UBXN7: variants seen among roughly 807,000 people sequenced by gnomAD.
UBXN7 encodes UBX domain protein 7, also known as UBX domain-containing protein 7.
In UBXN7, 9 loss-of-function variants were observed where a neutral mutation model predicts 58.0. The ratio of observed to expected loss-of-function variants is 0.16; its 90% CI spans 0.09 to 0.27. The LOEUF is 0.27. Among genes scored for constraint, UBXN7 ranks in the 10% least tolerant of loss-of-function variants. UBXN7 has a pLI of 1.00. For synonymous variants in UBXN7, 208 were observed against 205.0 expected, an observed-to-expected ratio of 1.01 and a Z score of -0.12; for missense variants, 328 against 599.6, an observed-to-expected ratio of 0.55 and a Z score of 4.73.
At chr3:196,428,451 TA>T (rs58227025) in intron 1 of UBXN7, among the ~76,000 whole-genome samples, 127,631 of 146,136 alleles carry the variant, frequency 0.87, 55,897 homozygotes, top group East Asian at 0.98. Context: ...AGACCGTCTT[TA>T]AAAAAAAAAA....
intron 9 of UBXN7, 32 bp from the exon 10 acceptor site, chr3:196,361,955 CG>C: frequency 1.8e-6 from 2 of 1,134,636 alleles, no homozygotes; most frequent in Non-Finnish European, 2.6e-6. Flanking sequence ...AAAAAAAAAA[CG>C]GGATACAGGA....
intron 3 of UBXN7, among the ~76,000 whole-genome samples, chr3:196,399,700 C>T (rs1047263293): frequency 1.3e-5 from 2 of 152,146 alleles, no homozygotes; most frequent in Non-Finnish European, 2.9e-5. Context: ...TGTGGCCTCC[C>T]AAAGGACTGG....
At chr3:196,389,410 T>C (rs947124614) in intron 5 of UBXN7, among the ~76,000 whole-genome samples, 4 of 152,232 alleles carry the variant, frequency 2.6e-5, no homozygotes, top group African/African-American at 9.6e-5. Flanking sequence ...GGGTTTTCTG[T>C]TACATGCAGC....
At chr3:196,410,042 C>T (rs1049457129) in intron 1 of UBXN7, among the ~76,000 whole-genome samples, 3 of 151,082 alleles carry the variant, frequency 2.0e-5, no homozygotes, top group Admixed American at 6.6e-5. Context: ...AGGGTTCAAG[C>T]GATTCTCCTG....
intron 1 of UBXN7, among the ~76,000 whole-genome samples, chr3:196,426,385 CAAAA>C (rs58979892): frequency 2.6e-5 from 3 of 114,188 alleles, no homozygotes; most frequent in Admixed American, 9.1e-5. Context: ...GACTTCGTCT[CAAAA>C]AAAAAAAAAA....
chr3:196,375,114 A>G (rs1728974434), intron 5 of UBXN7, among the ~76,000 whole-genome samples: 1 of 151,244 alleles, frequency 6.6e-6, no homozygotes, highest in African/African-American at 2.4e-5. Flanking sequence ...GTACAACATG[A>G]GGACTATACT....
chr3:196,430,161 C>A (rs1730981293), intron 1 of UBXN7, among the ~76,000 whole-genome samples: 1 of 151,906 alleles, frequency 6.6e-6, no homozygotes, highest in Admixed American at 6.6e-5. Flanking sequence ...TCAAGACCAG[C>A]CAGGCCAACA....
intron 1 of UBXN7, among the ~76,000 whole-genome samples, chr3:196,429,671 G>A (rs1306673396): frequency 6.6e-6 from 1 of 152,200 alleles, no homozygotes; most frequent in East Asian, 1.9e-4. Context: ...CGTATGTGGA[G>A]AGAACCCCAA....
intron 4 of UBXN7, 52 bp downstream of exon 4, chr3:196,393,502 T>C: frequency 6.5e-7 from 1 of 1,542,940 alleles, no homozygotes; most frequent in Non-Finnish European, 8.8e-7. Context: ...CATCTTTGTC[T>C]TTTTAATAGG....
chr3:196,401,823 GAGAGAAGAGAAGAGAAGAGA>G (rs56069211), intron 3 of UBXN7, among the ~76,000 whole-genome samples: 1 of 120,312 alleles, frequency 8.3e-6, no homozygotes, highest in Non-Finnish European at 1.7e-5. Context: ...GAAAAGAGAA[GAGAGAAGAGAAGAGAAGAGA>G]AGAGAAGAGA....
rs752105684 is a variant in UBXN7, at chr3:196,432,422, A to C, written c.-23T>G. On this transcript the variant is annotated 5_prime_UTR_variant, in exon 1 of 11. Transcript: ENST00000296328. ...CATCTTACCGCCGCCGCCGCCGCCG[A>C]ACAACAACACAGACACACACGGACT... is the stretch of plus-strand genomic sequence containing the variant. The C allele has an allele frequency of 8.9e-6, 14 of 1,577,650 alleles. No homozygotes were observed. Among genetic ancestry groups the C allele is most frequent in the African/African-American group, 1.3e-5 (1 of 74,300 alleles).
rs930932598 is a variant in UBXN7 at position 196,352,719 on chromosome 3, C to T, written c.*3966G>A. 2 of 151,768 alleles carry T rather than the reference C, an allele frequency of 1.3e-5. No individual in the cohort carries two copies. Among genetic ancestry groups the T allele is most frequent in the East Asian group, 1.9e-4 (1 of 5,134 alleles). The allele number at this position is 151,768 out of a possible 1,614,324, so 9.4% of individuals were successfully genotyped here. A position where few individuals can be genotyped will look rare whatever the true frequency, so the allele number is the denominator to read the frequency against. ...ACAGAAAACAGAATTGTAGATCGGGCGCAGTGGCTCATGCCTGTAATCCCA... is the reference window on the plus strand; with the variant it reads ...ACAGAAAACAGAATTGTAGATCGGGTGCAGTGGCTCATGCCTGTAATCCCA... On this transcript the variant is annotated 3_prime_UTR_variant, in exon 11 of 11. Transcript: ENST00000296328. The surrounding 1 kb of genome is among the most constrained non-coding windows in gnomAD (Gnocchi z 4.1).
intron 5 of UBXN7, among the ~76,000 whole-genome samples, chr3:196,389,284 T>C (rs572106658): frequency 6.6e-6 from 1 of 152,276 alleles, no homozygotes; most frequent in East Asian, 1.9e-4. Flanking sequence ...TGAAGAAAAC[T>C]GAGGAGACAT....
intron 1 of UBXN7, among the ~76,000 whole-genome samples, chr3:196,420,530 CAAA>C (rs60528354): frequency 3.1e-5 from 4 of 128,046 alleles, no homozygotes; most frequent in Admixed American, 7.8e-5. Context: ...GACTCCATCT[CAAA>C]AAAAAAAAAA....
chr3:196,429,599 A>T (rs1730960039), intron 1 of UBXN7, among the ~76,000 whole-genome samples: 1 of 152,170 alleles, frequency 6.6e-6, no homozygotes, highest in African/African-American at 2.4e-5. Context: ...TCAGAGCATA[A>T]GCTATTAAGG....
At chr3:196,376,371 C>T (rs552590947) in intron 5 of UBXN7, among the ~76,000 whole-genome samples, 1 of 151,380 alleles carries the variant, frequency 6.6e-6, no homozygotes, top group African/African-American at 2.4e-5. Context: ...GGTGGTGAAA[C>T]CTCGTCTCTA....
At chr3:196,373,258 T>C (rs1728895515) in intron 5 of UBXN7, among the ~76,000 whole-genome samples, 1 of 152,194 alleles carries the variant, frequency 6.6e-6, no homozygotes, top group Non-Finnish European at 1.5e-5. Flanking sequence ...ATTCCAAAAA[T>C]TGGGATTACA....
At chr3:196,421,802 A>G (rs1730696767) in intron 1 of UBXN7, among the ~76,000 whole-genome samples, 3 of 151,904 alleles carry the variant, frequency 2.0e-5, no homozygotes, top group South Asian at 4.2e-4. Flanking sequence ...AGATTTATAG[A>G]TGGTAAGTTA....
At chr3:196,379,548 T>C (rs1729136063) in intron 5 of UBXN7, among the ~76,000 whole-genome samples, 1 of 152,184 alleles carries the variant, frequency 6.6e-6, no homozygotes, top group African/African-American at 2.4e-5. Flanking sequence ...AGATTCAACT[T>C]CCGTAACTTC....
Sources: allele counts gnomAD v4.1 joint callset (sites outside exome capture counted in the v4.1 genomes callset), GRCh38; gene constraint gnomAD v4.1.1; non-coding constraint Gnocchi (gnomAD v3.1); transcripts MANE v1.5; gene names NCBI Gene and HGNC (gene_info 2026-07-23, HGNC 2026-07-21).